Variants in POU2F1 observed in about 807,000 individuals in gnomAD.
POU2F1 encodes POU class 2 homeobox 1.
A neutral mutation model predicts 84.9 loss-of-function variants in POU2F1; 16 were observed. The ratio of observed to expected loss-of-function variants is 0.19; its 90% confidence interval spans 0.13 to 0.29. The LOEUF is 0.29. Among genes scored for constraint, POU2F1 ranks in the 10% least tolerant of loss-of-function variants. POU2F1 has a pLI of 1.00. For synonymous variants in POU2F1, 368 were observed against 368.3 expected, an observed-to-expected ratio of 1.00 and a Z score of 0.01; for missense variants, 738 against 942.6, an observed-to-expected ratio of 0.78 and a Z score of 2.84.
chr1:167,389,608 A>G lies in POU2F1; in HGVS notation c.834A>G (p.Thr278=). The G allele has an allele frequency of 3.7e-6, 6 of 1,614,176 alleles. No homozygotes were observed. The highest frequency in any genetic ancestry group is 5.1e-6 in the Non-Finnish European group (6 of 1,180,028). ...LTSQPATPTR[T]IAATPIQTLP... is the part of the protein sequence containing the mutation. ...AACAGCCAGCAACCCCAACACGCAC[A>G]ATAGCAGCAACCCCAATTCAGACAC... The change falls in exon 9 of 16, where the codon ACA becomes ACG. Residue 278 remains threonine (T), a synonymous_variant. Coordinates refer to ENST00000367866, the MANE Select transcript of POU2F1 (RefSeq NM_002697.4).
chr1:167,318,381 C>T (rs904112508), intron 1 of POU2F1, among the ~76,000 whole-genome samples: 13 of 152,152 alleles, frequency 8.5e-5, no homozygotes, highest in African/African-American at 2.4e-4. Flanking sequence ...GGCCATGGCA[C>T]GCAGACTGAG....
intron 1 of POU2F1, among the ~76,000 whole-genome samples, chr1:167,286,946 T>C (rs1335409038): frequency 6.6e-6 from 1 of 152,214 alleles, no homozygotes; most frequent in Non-Finnish European, 1.5e-5. Flanking sequence ...AATTAATGGT[T>C]ATCAAGCTAA....
intron 7 of POU2F1, chr1:167,380,573 G>A (rs1238402786): frequency 2.6e-5 from 4 of 152,134 alleles, no homozygotes; most frequent in East Asian, 1.9e-4. Context: ...GTGGAAATAC[G>A]TCTATAAACA....
At chr1:167,392,071 C>T (rs776418879) in intron 9 of POU2F1, among the ~76,000 whole-genome samples, 26 of 151,996 alleles carry the variant, frequency 1.7e-4, no homozygotes, top group South Asian at 4.1e-4. Flanking sequence ...AAAGCTAGGC[C>T]GGGCACAGTG....
At chr1:167,303,229 A>G (rs1654840934) in intron 1 of POU2F1, among the ~76,000 whole-genome samples, 1 of 152,100 alleles carries the variant, frequency 6.6e-6, no homozygotes, top group African/African-American at 2.4e-5. Context: ...ATAGCACCAT[A>G]CGACACATAT....
chr1:167,222,772 T>C (rs1648334618), intron 1 of POU2F1, among the ~76,000 whole-genome samples: 2 of 152,206 alleles, frequency 1.3e-5, no homozygotes, highest in African/African-American at 4.8e-5. Flanking sequence ...GACTTTCTTA[T>C]ACTTTGCAGT....
chr1:167,345,314 G>A (rs1242241261), intron 2 of POU2F1, among the ~76,000 whole-genome samples: 1 of 152,104 alleles, frequency 6.6e-6, no homozygotes. Flanking sequence ...AGAAATGGGA[G>A]AGTAAAGGAG....
chr1:167,236,848 A>AC (rs1433964378), intron 1 of POU2F1, among the ~76,000 whole-genome samples: 10 of 152,052 alleles, frequency 6.6e-5, no homozygotes, highest in Admixed American at 6.6e-4. Context: ...TATTTTTTTT[A>AC]CTCTGCTTTC....
intron 9 of POU2F1, among the ~76,000 whole-genome samples, chr1:167,395,441 C>T (rs988745335): frequency 6.6e-6 from 1 of 151,548 alleles, no homozygotes; most frequent in African/African-American, 2.4e-5. Context: ...TTTTTCACTG[C>T]GTCCAGAAAT....
At chr1:167,407,010 A>AT (rs71301011) in intron 13 of POU2F1, among the ~76,000 whole-genome samples, 1,813 of 147,746 alleles carry the variant, frequency 0.012, 14 homozygotes, top group South Asian at 0.027. Context: ...ATAAATATAT[A>AT]TTTTTTTATT....
chr1:167,365,594 TGA>T, intron 3 of POU2F1, 27 bp downstream of exon 3: 1 of 1,521,176 alleles, frequency 6.6e-7, no homozygotes, highest in Non-Finnish European at 8.9e-7. Context: ...CAACCATCAG[TGA>T]GAGTGAAAGA....
Position 167,426,422 on chromosome 1 carries a change from G to C in POU2F1, c.*10612G>C, listed in dbSNP as rs1390272191. Reference sequence around the variant, plus strand: ...CTGCCTAGGTGTTCATAATAAAAAAGAAAATGAAAAAAGTTCTGAGTGTAC... The same window carrying C: ...CTGCCTAGGTGTTCATAATAAAAAACAAAATGAAAAAAGTTCTGAGTGTAC... On this transcript the variant is annotated 3_prime_UTR_variant, in exon 16 of 16. Transcript: ENST00000367866. 1 of 151,678 alleles carries C rather than the reference G, an allele frequency of 6.6e-6. No homozygotes were observed. Among genetic ancestry groups the C allele is most frequent in the African/African-American group, 2.4e-5 (1 of 41,054 alleles). 9.4% of individuals were successfully genotyped at this position (151,678 alleles called of 1,614,324 possible).
At chr1:167,391,039 C>T (rs991091731) in intron 9 of POU2F1, among the ~76,000 whole-genome samples, 1 of 152,138 alleles carries the variant, frequency 6.6e-6, no homozygotes, top group African/African-American at 2.4e-5. Context: ...AAACAGTTGT[C>T]TGGATATGTA....
At chr1:167,300,217 A>C (rs1022892808) in intron 1 of POU2F1, among the ~76,000 whole-genome samples, 25 of 152,206 alleles carry the variant, frequency 1.6e-4, no homozygotes, top group African/African-American at 5.5e-4. Flanking sequence ...AACATGGGGT[A>C]GGTACCACAT....
chr1:167,357,890 G>A (rs944463367), intron 2 of POU2F1, among the ~76,000 whole-genome samples: 2 of 138,362 alleles, frequency 1.4e-5, no homozygotes, highest in East Asian at 4.4e-4. Context: ...TGCAACCTCC[G>A]CTTCCTGGGT....
intron 2 of POU2F1, among the ~76,000 whole-genome samples, chr1:167,354,706 T>C (rs1156605051): frequency 6.6e-6 from 1 of 152,224 alleles, no homozygotes; most frequent in African/African-American, 2.4e-5. Context: ...TTAACCGACT[T>C]TGCAATTTTA....
intron 1 of POU2F1, among the ~76,000 whole-genome samples, chr1:167,287,581 CAT>C (rs1443743997): frequency 2.0e-5 from 3 of 152,204 alleles, no homozygotes; most frequent in African/African-American, 7.2e-5. Context: ...AGGAAATTAA[CAT>C]ATGTAGTACT....
rs1650244325 is a variant in POU2F1 at position 167,415,546 on chromosome 1, T to C, written c.2037T>C (p.Thr679=). Residue 679 remains threonine (T), a synonymous_variant, in exon 16 of 16, where the codon ACT becomes ACC. Transcript: ENST00000367866. ...TTCCAATAACATCACTTGATGCAAC[T>C]GGGAACCTGGTATTTGCCAATGCGG... The part of the protein sequence containing the change: ...GSLPITSLDA[T]GNLVFANAGG... 7 of 1,614,188 alleles carry C rather than the reference T, an allele frequency of 4.3e-6. No individual in the cohort carries two copies. The highest frequency in any genetic ancestry group is 1.6e-4 in the Middle Eastern group (1 of 6,062).
At chr1:167,336,854 C>T (rs1264781087) in intron 2 of POU2F1, among the ~76,000 whole-genome samples, 4 of 151,900 alleles carry the variant, frequency 2.6e-5, no homozygotes, top group African/African-American at 9.7e-5. Flanking sequence ...CATGGTGAAA[C>T]CCTGCCTCTA....
Sources: gnomAD v4.1 joint callset for allele counts (sites outside exome capture counted in the v4.1 genomes callset) on GRCh38, gnomAD v4.1.1 for gene constraint, MANE v1.5 for transcripts, NCBI Gene and HGNC (gene_info 2026-07-23, HGNC 2026-07-21) for gene names.